The following EPN1 variants were observed in gnomAD, a reference collection of about 807,000 sequenced individuals.
EPN1 encodes the protein epsin-1.
Under a neutral mutation model 56.9 loss-of-function variants are expected in EPN1, and 25 were observed. The ratio of observed to expected loss-of-function variants is 0.44; its 90% CI spans 0.32 to 0.61. EPN1 has a LOEUF of 0.61. Ranked by LOEUF, EPN1 falls within the 20% of genes least tolerant of loss-of-function variation. The pLI, the probability that EPN1 is intolerant of heterozygous loss-of-function variation, is 0.05. For missense variants in EPN1, 785 were observed against 823.7 expected (o/e 0.95, Z 0.58); for synonymous variants, 411 against 361.8 (o/e 1.14, Z -1.54).
In EPN1 at chr19:55,677,728, G is replaced by A. The variant is rs375465578; in HGVS notation, c.-101-799G>A. 1,443 of 1,543,358 alleles carry A rather than the reference G, an allele frequency of 9.3e-4. 21 individuals carry two copies. In the South Asian group the frequency reaches 0.015, roughly 16 times the overall value. ...TCTGGCTTCCCCGGTTCTTCCTGCC[G>A]CCCTGGGTTGGTTCCCTGCTCCTGC... On this transcript the variant is annotated intron_variant, in intron 1 of 10. Coordinates refer to ENST00000270460, the MANE Select transcript of EPN1 (RefSeq NM_001130072.2).
intron 1 of EPN1, among the ~76,000 whole-genome samples, chr19:55,676,458 A>G (rs901365388): frequency 3.9e-5 from 6 of 152,240 alleles, no homozygotes; most frequent in African/African-American, 7.2e-5. Flanking sequence ...AAATAAGTAC[A>G]GAGTATTAAG....
chr19:55,694,530 A>C lies in EPN1; in HGVS notation c.1265-196A>C. 1 of 538,266 alleles carries C rather than the reference A, an allele frequency of 1.9e-6. No homozygotes were observed. The highest frequency in any genetic ancestry group is 4.4e-5 in the South Asian group (1 of 22,954). 33.3% of individuals were successfully genotyped at this position (538,266 alleles called of 1,614,324 possible). A position where few individuals can be genotyped will look rare whatever the true frequency, so the allele number is the denominator to read the frequency against. Reference sequence around the variant, plus strand: ...GTGTTTGCTCACTGGAATCAGACCCACCTTATGGGAATCTGGGCTGACGTG... The same window carrying C: ...GTGTTTGCTCACTGGAATCAGACCCCCCTTATGGGAATCTGGGCTGACGTG... On this transcript the variant is annotated intron_variant, in intron 9 of 10. Coordinates refer to ENST00000270460, the MANE Select transcript of EPN1 (RefSeq NM_001130072.2). This position sits in a 1 kb window ranked among gnomAD's most constrained non-coding sequence, Gnocchi z 4.2.
At position 55,706,095 on chromosome 19, in the gene EPN1, C is replaced by A; in HGVS notation, c.*10739C>A. On this transcript the variant is annotated 3_prime_UTR_variant, in exon 11 of 11. Transcript: ENST00000270460. ...GGGAACAACCCAGCTTTAGTTTTTC[C>A]AGATTCTCTGCATGTGCAGGTTTAT... 8.2e-6 allele frequency: 2 copies of A among 244,712 alleles called. No individual in the cohort carries two copies. The highest frequency in any genetic ancestry group is 5.1e-5 in the South Asian group (1 of 19,534). The allele number at this position is 244,712 out of a possible 1,614,324, so 15.2% of individuals were successfully genotyped here.
Position 55,685,625 on chromosome 19 carries a change from A to G in EPN1, c.458A>G (p.Lys153Arg). Reference protein sequence around the residue: ...ERAHALKTKEKLAQTATASSA... With the variant: ...ERAHALKTKERLAQTATASSA... ...GCGCACGCGCTCAAGACCAAGGAAAAGCTGGCACAGACCGCCACGGGTGAG... is the reference window on the plus strand; with the variant it reads ...GCGCACGCGCTCAAGACCAAGGAAAGGCTGGCACAGACCGCCACGGGTGAG... Residue 153 changes from lysine (K) to arginine (R), a missense_variant, in exon 3 of 11, where the codon AAG becomes AGG. Lys to Arg is a conservative substitution (Grantham distance 26, BLOSUM62 2). Transcript: ENST00000270460. The G allele has an allele frequency of 6.2e-7, 1 of 1,600,484 alleles. No homozygotes were observed.
intron 2 of EPN1, among the ~76,000 whole-genome samples, chr19:55,684,801 T>C (rs1436996957): frequency 6.6e-6 from 1 of 152,176 alleles, no homozygotes; most frequent in African/African-American, 2.4e-5. Context: ...ACTTTAGATT[T>C]TAGTTGTAAA....
chr19:55,688,140 G>C (rs1047450568), intron 3 of EPN1, among the ~76,000 whole-genome samples: 7 of 152,202 alleles, frequency 4.6e-5, no homozygotes, highest in African/African-American at 7.2e-5. Flanking sequence ...GCGGGCCTAG[G>C]GCCTGGTTGG....
At position 55,695,126 on chromosome 19, in the gene EPN1, C is replaced by T. The variant is rs1333360229; in HGVS notation, c.1523-22C>T. The T allele has an allele frequency of 1.9e-6, 3 of 1,613,552 alleles. No homozygotes were observed. Among genetic ancestry groups the T allele is most frequent in the Admixed American group, 1.7e-5 (1 of 60,018 alleles). On this transcript the variant is annotated intron_variant, in intron 10 of 10. Transcript: ENST00000270460. This position sits in a 1 kb window ranked among gnomAD's most constrained non-coding sequence, Gnocchi z 4.4. ...CTGCGCCACTGACTCCACTCCGTGT[C>T]TCTGGTTTACTCTTCCTGCAGGAGG...
At chr19:55,682,580 A>G (rs755117221) in intron 2 of EPN1, among the ~76,000 whole-genome samples, 4 of 150,732 alleles carry the variant, frequency 2.7e-5, no homozygotes, top group Non-Finnish European at 5.9e-5. Flanking sequence ...CACCACGCCT[A>G]GCTAATTTTT....
intron 2 of EPN1, among the ~76,000 whole-genome samples, chr19:55,684,628 A>G (rs981616595): frequency 2.6e-5 from 4 of 152,188 alleles, no homozygotes; most frequent in African/African-American, 4.8e-5. Context: ...CCGGGCCTAC[A>G]CAGGCCCTTG....
At chr19:55,687,528 G>T (rs1319290445) in intron 3 of EPN1, among the ~76,000 whole-genome samples, 1 of 152,074 alleles carries the variant, frequency 6.6e-6, no homozygotes, top group East Asian at 1.9e-4. Context: ...GTAGAGGTTG[G>T]GCAATGGGGT....
In EPN1 at chr19:55,691,037, G is replaced by C. The variant is rs1030856081; in HGVS notation, c.763-717G>C. On this transcript the variant is annotated intron_variant, in intron 6 of 10. Coordinates refer to ENST00000270460, the MANE Select transcript of EPN1 (RefSeq NM_001130072.2). The surrounding 1 kb of genome is among the most constrained non-coding windows in gnomAD (Gnocchi z 5.6). ...TGCCTCACGGGTGCTGACTGGAGAT[G>C]TGTGCATGAGTATGTTGGGGGCATC... Among the ~76,000 whole-genome samples, 2 of 152,122 alleles carry C rather than the reference G, an allele frequency of 1.3e-5. No homozygotes were observed. Among genetic ancestry groups the C allele is most frequent in the African/African-American group, 4.8e-5 (2 of 41,372 alleles).
In EPN1 at chr19:55,703,385, G is replaced by A. The variant is rs1220716846; in HGVS notation, c.*8029G>A. Reference sequence around the variant, plus strand: ...GTCACCCAGGCTAGAGTGCAATGGTGTGATTTCGGCTCACTGCAACCTCTG... The same window carrying A: ...GTCACCCAGGCTAGAGTGCAATGGTATGATTTCGGCTCACTGCAACCTCTG... On this transcript the variant is annotated 3_prime_UTR_variant, in exon 11 of 11. Coordinates refer to ENST00000270460, the MANE Select transcript of EPN1 (RefSeq NM_001130072.2). The A allele has an allele frequency of 2.6e-5, 4 of 152,258 alleles. No individual in the cohort carries two copies. Among genetic ancestry groups the A allele is most frequent in the Middle Eastern group, 3.1e-3 (1 of 320 alleles). 9.4% of individuals were successfully genotyped at this position (152,258 alleles called of 1,614,324 possible). A position where few individuals can be genotyped will look rare whatever the true frequency, so the allele number is the denominator to read the frequency against.
Position 55,706,283 on chromosome 19 carries a change from C to CTTTT in EPN1, c.*10940_*10943dup, listed in dbSNP as rs933101353. ...CTTCCTTTCTTCTCTTTTTCTTCTT[C>CTTTT]TTTTTTTTTTTTTTTTAAAAGACCG... On this transcript the variant is annotated 3_prime_UTR_variant, in exon 11 of 11. Transcript: ENST00000270460. 9.4e-4 allele frequency: 111 copies of CTTTT among 118,446 alleles called. No homozygotes were observed. The highest frequency in any genetic ancestry group is 1.5e-3 in the Admixed American group (18 of 11,618). 7.3% of individuals were successfully genotyped at this position (118,446 alleles called of 1,614,324 possible).
intron 3 of EPN1, among the ~76,000 whole-genome samples, chr19:55,686,839 G>T (rs1367973634): frequency 6.6e-6 from 1 of 152,010 alleles, no homozygotes; most frequent in Non-Finnish European, 1.5e-5. Flanking sequence ...GGGTTGGGGT[G>T]GACGGAGGAG....
Position 55,675,239 on chromosome 19 carries a change from TCTC to T in EPN1, c.-294_-292del, listed in dbSNP as rs1176068820. 1 of 151,752 alleles carries T rather than the reference TCTC, an allele frequency of 6.6e-6. No individual in the cohort carries two copies. Among genetic ancestry groups the T allele is most frequent in the Non-Finnish European group, 1.5e-5 (1 of 67,900 alleles). 9.4% of individuals were successfully genotyped at this position (151,752 alleles called of 1,614,324 possible). A position where few individuals can be genotyped will look rare whatever the true frequency, so the allele number is the denominator to read the frequency against. ...CGTCGCCTCCTTCTGTTGCTTCCCG[TCTC>T]CTCGGCGGCTCCCCTCCCCCGCCCG... On this transcript the variant is annotated 5_prime_UTR_variant, in exon 1 of 11. Transcript: ENST00000270460.
At chr19:55,687,062 G>A (rs1334995519) in intron 3 of EPN1, among the ~76,000 whole-genome samples, 4 of 152,184 alleles carry the variant, frequency 2.6e-5, no homozygotes, top group South Asian at 2.1e-4. Context: ...CAAGGTCTCC[G>A]AAATTTGAAT....
At chr19:55,679,363 T>TA (rs1985652389) in intron 2 of EPN1, among the ~76,000 whole-genome samples, 1 of 152,252 alleles carries the variant, frequency 6.6e-6, no homozygotes. Flanking sequence ...TTCCTCGTGT[T>TA]ACGGCAAAGT....
rs1491406169 is a variant in EPN1, at chr19:55,705,809, A to ATATATATATATATATATATATATG, written c.*10472_*10473insATATGTATATATATATATATATAT. On this transcript the variant is annotated 3_prime_UTR_variant, in exon 11 of 11. Transcript: ENST00000270460. ...TGGCTGGAATATTTGTTGTTGTGGGATATATATATATATATATATTTAGAG... is the reference window on the plus strand; with the variant it reads ...TGGCTGGAATATTTGTTGTTGTGGGATATATATATATATATATATATATGTATATATATATATATATATTTAGAG... The ATATATATATATATATATATATATG allele has an allele frequency of 2.8e-3, 212 of 76,290 alleles. 7 individuals carry two copies. The highest frequency in any genetic ancestry group is 0.01 in the African/African-American group (196 of 18,696). 4.7% of individuals were successfully genotyped at this position (76,290 alleles called of 1,614,324 possible). A position where few individuals can be genotyped will look rare whatever the true frequency, so the allele number is the denominator to read the frequency against.
rs1600110722 is a variant in EPN1 at position 55,694,632 on chromosome 19, C to T, written c.1265-94C>T. 4 of 1,432,540 alleles carry T rather than the reference C, an allele frequency of 2.8e-6. No homozygotes were observed. In the South Asian group the frequency reaches 6.4e-5, roughly 23 times the overall value. 88.7% of individuals were successfully genotyped at this position (1,432,540 alleles called of 1,614,324 possible). ...TCCCGAGGCCTCTGGGCACCGGGCTCTTTGAAGCGCCCCCTATGATGGCCT... is the reference window on the plus strand; with the variant it reads ...TCCCGAGGCCTCTGGGCACCGGGCTTTTTGAAGCGCCCCCTATGATGGCCT... On this transcript the variant is annotated intron_variant, in intron 9 of 10. Transcript: ENST00000270460. The surrounding 1 kb of genome is among the most constrained non-coding windows in gnomAD (Gnocchi z 4.2).
Sources: gnomAD v4.1 joint callset for allele counts (sites outside exome capture counted in the v4.1 genomes callset) on GRCh38, gnomAD v4.1.1 for gene constraint, Gnocchi (gnomAD v3.1) non-coding constraint, MANE v1.5 for transcripts, NCBI Gene and HGNC (gene_info 2026-07-23, HGNC 2026-07-21) for gene names.